The following CFAP299 variants were observed in gnomAD, a reference collection of about 807,000 sequenced individuals.
The protein encoded by CFAP299 is cilia- and flagella-associated protein 299.
Under a neutral mutation model 27.0 loss-of-function variants are expected in CFAP299, and 21 were observed. The ratio of observed to expected loss-of-function variants is 0.78; its 90% confidence interval spans 0.55 to 1.12. The LOEUF is 1.12. Among genes scored for constraint, CFAP299 ranks in the 50% most tolerant of loss-of-function variants. The pLI is 0.00. For missense variants in CFAP299, 310 were observed against 276.6 expected, an observed-to-expected ratio of 1.12 and a Z score of -0.86; for synonymous variants, 104 against 98.1, an observed-to-expected ratio of 1.06 and a Z score of -0.36.
Position 80,829,283 on chromosome 4 carries a change from C to T in CFAP299, c.334-40710C>T, listed in dbSNP as rs552495147. ...TATAAAAGGACTTGATTAGAAATTT[C>T]TCCAAAGAAGATACAGGAATGGATA... is the stretch of plus-strand genomic sequence containing the variant. On this transcript the variant is annotated intron_variant, in intron 3 of 5. Transcript: ENST00000358105. Among the ~76,000 whole-genome samples, 5 of 151,990 alleles carry T rather than the reference C, an allele frequency of 3.3e-5. No individual in the cohort carries two copies. The East Asian group carries it at 9.7e-4, about 29-fold the overall frequency.
chr4:80,904,224 A>G (rs1226920697), intron 4 of CFAP299, among the ~76,000 whole-genome samples: 2 of 152,206 alleles, frequency 1.3e-5, no homozygotes, highest in African/African-American at 2.4e-5. Context: ...AGGGATTAAC[A>G]TTTTTGGTCT....
intron 2 of CFAP299, among the ~76,000 whole-genome samples, chr4:80,382,773 C>T (rs990920889): frequency 6.6e-6 from 1 of 152,124 alleles, no homozygotes; most frequent in Non-Finnish European, 1.5e-5. Flanking sequence ...GGCAATTCCT[C>T]AACAAGCTAA....
At chr4:80,748,115 G>T (rs1044729819) in intron 3 of CFAP299, among the ~76,000 whole-genome samples, 4 of 152,016 alleles carry the variant, frequency 2.6e-5, no homozygotes, top group African/African-American at 9.7e-5. Flanking sequence ...TTGAGTTAGG[G>T]TAATCATCCT....
At chr4:80,900,682 AT>A (rs1321080651) in intron 4 of CFAP299, among the ~76,000 whole-genome samples, 1 of 152,046 alleles carries the variant, frequency 6.6e-6, no homozygotes, top group Non-Finnish European at 1.5e-5. Flanking sequence ...AAGTTTGATA[AT>A]TCAAATTTAT....
At chr4:80,926,447 C>G (rs370833881) in intron 4 of CFAP299, among the ~76,000 whole-genome samples, 77 of 151,980 alleles carry the variant, frequency 5.1e-4, no homozygotes, top group South Asian at 1.5e-3. Context: ...GATTGTGAAG[C>G]TATTGTATTA....
intron 5 of CFAP299, among the ~76,000 whole-genome samples, chr4:80,953,223 A>G (rs1737874280): frequency 6.6e-6 from 1 of 152,198 alleles, no homozygotes; most frequent in African/African-American, 2.4e-5. Flanking sequence ...TGAATCACCA[A>G]CACCACTTTT....
rs185345971 is a variant in CFAP299, at chr4:80,729,789, G to C, written c.334-140204G>C. On this transcript the variant is annotated intron_variant, in intron 3 of 5. Transcript: ENST00000358105. ...TAATTTTTTTTTGTATTTTTCAGTA[G>C]AGACGGCATTTCATCATGTTAGCCA... Among the ~76,000 whole-genome samples, 172 of 151,716 alleles carry C rather than the reference G, an allele frequency of 1.1e-3. 2 individuals are homozygous for C. The highest frequency in any genetic ancestry group is 3.9e-3 in the African/African-American group (160 of 41,402).
chr4:80,653,286 C>T (rs2109972368), intron 3 of CFAP299, among the ~76,000 whole-genome samples: 1 of 152,240 alleles, frequency 6.6e-6, no homozygotes, highest in East Asian at 1.9e-4. Flanking sequence ...AAAGCCATTT[C>T]CTCCTCACCT....
chr4:80,450,624 T>C (rs923227375), intron 2 of CFAP299, among the ~76,000 whole-genome samples: 3 of 152,048 alleles, frequency 2.0e-5, no homozygotes, highest in Admixed American at 6.6e-5. Flanking sequence ...AAGATTTACA[T>C]GAAGAATTCT....
At chr4:80,537,799 C>T (rs538533114) in intron 2 of CFAP299, among the ~76,000 whole-genome samples, 27 of 151,418 alleles carry the variant, frequency 1.8e-4, no homozygotes, top group African/African-American at 5.3e-4. Flanking sequence ...TAGACATGGA[C>T]GTTGCTAAGA....
chr4:80,735,174 T>C (rs1467352531), intron 3 of CFAP299, among the ~76,000 whole-genome samples: 2 of 152,142 alleles, frequency 1.3e-5, no homozygotes, highest in Non-Finnish European at 2.9e-5. Context: ...ACTTATTTGG[T>C]TAATTCCTAA....
chr4:80,788,858 G>A (rs568143084), intron 3 of CFAP299, among the ~76,000 whole-genome samples: 1 of 151,980 alleles, frequency 6.6e-6, no homozygotes, highest in Non-Finnish European at 1.5e-5. Context: ...TATTAGAAGT[G>A]GTTTAGGGTT....
Position 80,672,489 on chromosome 4 carries a change from G to A in CFAP299, c.333+89306G>A, listed in dbSNP as rs1014214042. 2.0e-5 allele frequency among the ~76,000 whole-genome samples: 3 copies of A among 152,144 alleles called. No individual in the cohort carries two copies. In the East Asian group the frequency reaches 5.8e-4, roughly 29 times the overall value. ...TCTTTTTTTGTTGTGTCTCTGTCAG[G>A]CTTTCATATCAGGATGATACTGGCC... On this transcript the variant is annotated intron_variant, in intron 3 of 5. Coordinates refer to ENST00000358105, the MANE Select transcript of CFAP299 (RefSeq NM_152770.3).
At chr4:80,471,115 A>G (rs929112421) in intron 2 of CFAP299, among the ~76,000 whole-genome samples, 1 of 152,132 alleles carries the variant, frequency 6.6e-6, no homozygotes, top group Non-Finnish European at 1.5e-5. Context: ...GAAGTTACAT[A>G]AATTGCTCAA....
Position 80,575,534 on chromosome 4 carries a change from C to CT in CFAP299, c.243-7549dup, listed in dbSNP as rs994568944. Among the ~76,000 whole-genome samples, 48 of 147,842 alleles carry CT rather than the reference C, an allele frequency of 3.2e-4. 1 individual carries two copies. The highest frequency in any genetic ancestry group is 5.4e-4 in the Non-Finnish European group (36 of 66,620). ...CTGATTTTATTTATTTGGGTCTTCTCTTTTTTTTTTCGCAGTCTGGCTAGA... is the reference window on the plus strand; with the variant it reads ...CTGATTTTATTTATTTGGGTCTTCTCTTTTTTTTTTTCGCAGTCTGGCTAGA... On this transcript the variant is annotated intron_variant, in intron 2 of 5. Transcript: ENST00000358105.
intron 3 of CFAP299, among the ~76,000 whole-genome samples, chr4:80,594,198 C>G (rs1736933142): frequency 6.6e-6 from 1 of 152,150 alleles, no homozygotes; most frequent in African/African-American, 2.4e-5. Context: ...CCACATGGCT[C>G]AGGTAGGCCC....
At chr4:80,656,976 GTGA>G (rs1256228545) in intron 3 of CFAP299, among the ~76,000 whole-genome samples, 1 of 152,098 alleles carries the variant, frequency 6.6e-6, no homozygotes, top group East Asian at 1.9e-4. Context: ...CTAGTGACCT[GTGA>G]TGATGAGCTT....
At chr4:80,483,588 G>A (rs568280222) in intron 2 of CFAP299, among the ~76,000 whole-genome samples, 2 of 152,044 alleles carry the variant, frequency 1.3e-5, no homozygotes, top group South Asian at 2.1e-4. Flanking sequence ...GAAGTATGAG[G>A]TCTATTTTTT....
At chr4:80,401,382 C>G (rs557128174) in intron 2 of CFAP299, among the ~76,000 whole-genome samples, 1 of 152,116 alleles carries the variant, frequency 6.6e-6, no homozygotes, top group African/African-American at 2.4e-5. Flanking sequence ...CCAGGGTTCT[C>G]GTGCTGTGTG....
Sources: allele counts gnomAD v4.1 joint callset (sites outside exome capture counted in the v4.1 genomes callset), GRCh38; gene constraint gnomAD v4.1.1; transcripts MANE v1.5; gene names NCBI Gene and HGNC (gene_info 2026-07-23, HGNC 2026-07-21).